Variants in HERC3 observed in about 807,000 individuals in gnomAD.
The protein encoded by HERC3 is HECT and RLD domain containing E3 ubiquitin protein ligase 3.
A neutral mutation model predicts 129.9 loss-of-function variants in HERC3; 58 were observed. The observed-to-expected ratio is 0.45, with a 90% confidence interval of 0.36 to 0.56. The LOEUF is 0.56. Among genes scored for constraint, HERC3 ranks in the 20% least tolerant of loss-of-function variants. The pLI, the probability that HERC3 is intolerant of heterozygous loss-of-function variation, is 0.00. For synonymous variants in HERC3, 430 were observed against 451.0 expected, an observed-to-expected ratio of 0.95 and a Z score of 0.59; for missense variants, 835 against 1,244.2, an observed-to-expected ratio of 0.67 and a Z score of 4.95.
At chr4:88,625,487 A>T (rs970551007) in intron 3 of HERC3, among the ~76,000 whole-genome samples, 3 of 152,106 alleles carry the variant, frequency 2.0e-5, no homozygotes, top group African/African-American at 7.2e-5. Context: ...GTATTTTGTT[A>T]GTATTTAGAA....
chr4:88,705,439 CA>C (rs1422294819), intron 25 of HERC3, among the ~76,000 whole-genome samples: 1 of 152,144 alleles, frequency 6.6e-6, no homozygotes, highest in Non-Finnish European at 1.5e-5. Context: ...TTCATAACCT[CA>C]AAAAAGAAAC....
chr4:88,644,837 T>C (rs1220047800), intron 3 of HERC3, among the ~76,000 whole-genome samples: 1 of 152,130 alleles, frequency 6.6e-6, no homozygotes. Context: ...AAATCTCTTA[T>C]GGAAATAGTC....
chr4:88,604,507 A>G (rs1723400196), intron 2 of HERC3, among the ~76,000 whole-genome samples: 1 of 152,066 alleles, frequency 6.6e-6, no homozygotes, highest in Admixed American at 6.5e-5. Context: ...TCTATTTTCT[A>G]TTGCCTGTTC....
chr4:88,661,998 C>CA (rs1352048122), intron 10 of HERC3, among the ~76,000 whole-genome samples: 1 of 152,092 alleles, frequency 6.6e-6, no homozygotes, highest in Non-Finnish European at 1.5e-5. Flanking sequence ...ACCCGAGACT[C>CA]AAAGGTTTTT....
intron 10 of HERC3, among the ~76,000 whole-genome samples, chr4:88,661,141 C>A (rs889892841): frequency 3.9e-5 from 6 of 152,024 alleles, no homozygotes; most frequent in African/African-American, 1.5e-4. Context: ...GTTCAGCTGC[C>A]CCTTTGAATG....
chr4:88,543,032 C>A, the HERC3 span, among the ~76,000 whole-genome samples: 12 of 152,144 alleles, frequency 7.9e-5, no homozygotes, highest in Admixed American at 3.3e-4. Context: ...TGTCACAAGA[C>A]AAGGGTGCCC....
chr4:88,540,216 C>A, the HERC3 span, among the ~76,000 whole-genome samples: 4 of 152,118 alleles, frequency 2.6e-5, no homozygotes, highest in African/African-American at 9.7e-5. Flanking sequence ...GAATGGCTAA[C>A]TAGAATAAAC....
intron 3 of HERC3, among the ~76,000 whole-genome samples, chr4:88,637,155 G>C (rs569021416): frequency 6.6e-6 from 1 of 151,172 alleles, no homozygotes; most frequent in Non-Finnish European, 1.5e-5. Context: ...GCCAGGCATG[G>C]TGGCTCATGC....
chr4:88,560,014 C>A, the HERC3 span, among the ~76,000 whole-genome samples: 4 of 148,452 alleles, frequency 2.7e-5, no homozygotes, highest in African/African-American at 1.0e-4. Context: ...GGCTGGAGTG[C>A]AATGGTGTAA....
chr4:88,586,324 T>C, the HERC3 span, among the ~76,000 whole-genome samples: 1 of 152,046 alleles, frequency 6.6e-6, no homozygotes, highest in Non-Finnish European at 1.5e-5. Context: ...ATGATAAATA[T>C]TATGTGTAGA....
At chr4:88,562,317 G>T in the HERC3 span, among the ~76,000 whole-genome samples, 1 of 152,072 alleles carries the variant, frequency 6.6e-6, no homozygotes, top group African/African-American at 2.4e-5. Flanking sequence ...TGTCTATTCA[G>T]ATCTTTTGCT....
chr4:88,541,550 A>G, the HERC3 span, among the ~76,000 whole-genome samples: 2 of 152,216 alleles, frequency 1.3e-5, no homozygotes, highest in Non-Finnish European at 2.9e-5. Flanking sequence ...GAAGGTTAAC[A>G]AGGATATTCA....
the HERC3 span, among the ~76,000 whole-genome samples, chr4:88,572,282 G>T: frequency 1.3e-5 from 2 of 152,058 alleles, no homozygotes; most frequent in African/African-American, 4.8e-5. Flanking sequence ...CTTTTAATTA[G>T]CCAGGTGTGG....
At chr4:88,680,346 A>G (rs986083796) in intron 20 of HERC3, 110 bp downstream of exon 20, 2 of 729,310 alleles carry the variant, frequency 2.7e-6, no homozygotes, top group African/African-American at 3.6e-5. Context: ...AACAAGGATA[A>G]TAATTCAAAA....
chr4:88,534,394 G>A, the HERC3 span, among the ~76,000 whole-genome samples: 34 of 152,178 alleles, frequency 2.2e-4, no homozygotes, highest in Admixed American at 2.2e-3. Context: ...GGCCCAAAAT[G>A]TCAACAGTGA....
At chr4:88,704,862 T>TC (rs973475835) in intron 25 of HERC3, among the ~76,000 whole-genome samples, 3 of 145,718 alleles carry the variant, frequency 2.1e-5, no homozygotes, top group African/African-American at 7.9e-5. Flanking sequence ...TTTCTTTCTT[T>TC]CTTTTTTTTT....
At chr4:88,697,129 A>G in intron 23 of HERC3, 1 of 1,380,712 alleles carries the variant, frequency 7.2e-7, no homozygotes, top group Non-Finnish European at 9.7e-7. Flanking sequence ...AGCCTTTTTA[A>G]GTCCATCGAT....
At position 88,704,567 on chromosome 4, in the gene HERC3, A is replaced by G. The variant is rs1311631291; in HGVS notation, c.2901A>G (p.Glu967=). The change falls in exon 25 of 26, where the codon GAA becomes GAG. Residue 967 remains glutamate (E), a synonymous_variant. Transcript: ENST00000402738. ...ATHPTVKLFW[E]TFHEFPLEKK... ...ATCCCACTGTAAAACTATTTTGGGA[A>G]ACATTTCATGAGTTTCCATTGGAAA... 1 of 1,611,166 alleles carries G rather than the reference A, an allele frequency of 6.2e-7. No individual in the cohort carries two copies. Among genetic ancestry groups the G allele is most frequent in the Non-Finnish European group, 8.5e-7 (1 of 1,177,274 alleles).
the HERC3 span, among the ~76,000 whole-genome samples, chr4:88,526,286 A>C: frequency 6.6e-6 from 1 of 152,206 alleles, no homozygotes; most frequent in African/African-American, 2.4e-5. Flanking sequence ...ACACACATGA[A>C]GTTAGAAATC....
Sources: gnomAD v4.1 joint callset for allele counts (sites outside exome capture counted in the v4.1 genomes callset) on GRCh38, gnomAD v4.1.1 for gene constraint, MANE v1.5 for transcripts, NCBI Gene and HGNC (gene_info 2026-07-23, HGNC 2026-07-21) for gene names.